MAN2A1: variants seen among roughly 807,000 people sequenced by gnomAD.
MAN2A1 encodes alpha-mannosidase 2.
A neutral mutation model predicts 142.6 loss-of-function variants in MAN2A1; 76 were observed. The observed-to-expected ratio is 0.53, with a 90% CI of 0.44 to 0.65. The LOEUF (loss-of-function observed/expected upper bound fraction) is 0.65, where lower values mean the gene tolerates loss of function less well. MAN2A1 is among the 30% of genes least tolerant of loss of function. The probability of loss-of-function intolerance (pLI) is 0.00; values close to 1 mark genes in which losing one functional copy is unlikely to be tolerated. For missense variants in MAN2A1, 1,311 were observed against 1,365.1 expected (o/e 0.96, Z 0.62); for synonymous variants, 559 against 473.2 (o/e 1.18, Z -2.35).
chr5:109,821,777 A>G lies in MAN2A1; in HGVS notation c.2451+1435A>G, dbSNP rs564697642. 8.8e-4 allele frequency among the ~76,000 whole-genome samples: 134 copies of G among 151,988 alleles called. 1 individual carries two copies. The highest frequency in any genetic ancestry group is 1.6e-3 in the Non-Finnish European group (111 of 67,938). ...TGGTGTGTCCTGATGATCTCTGAGC[A>G]CTCTATATGTGGTAAAATTAATCCT... On this transcript the variant is annotated intron_variant, in intron 15 of 21. Coordinates refer to ENST00000261483, the MANE Select transcript of MAN2A1 (RefSeq NM_002372.4).
intron 4 of MAN2A1, among the ~76,000 whole-genome samples, chr5:109,740,908 T>G (rs964123312): frequency 6.6e-6 from 1 of 152,100 alleles, no homozygotes; most frequent in Non-Finnish European, 1.5e-5. Flanking sequence ...CCCTCTCTCT[T>G]TTTTTTATTC....
chr5:109,787,989 A>T (rs1471050078), intron 10 of MAN2A1, among the ~76,000 whole-genome samples: 1 of 151,850 alleles, frequency 6.6e-6, no homozygotes, highest in Non-Finnish European at 1.5e-5. Flanking sequence ...TCTCTGAAGG[A>T]AATATTAATG....
chr5:109,770,056 T>C (rs752107271), intron 6 of MAN2A1, among the ~76,000 whole-genome samples: 11 of 152,188 alleles, frequency 7.2e-5, no homozygotes, highest in Non-Finnish European at 1.2e-4. Context: ...CAGCTGTAAC[T>C]TTTACGGCTG....
At chr5:109,753,221 A>G (rs1416943723) in intron 4 of MAN2A1, among the ~76,000 whole-genome samples, 3 of 152,342 alleles carry the variant, frequency 2.0e-5, no homozygotes, top group Middle Eastern at 3.4e-3. Flanking sequence ...TCAGGCTGCG[A>G]AGCATAACGC....
chr5:109,700,899 T>C (rs911701700), intron 1 of MAN2A1, among the ~76,000 whole-genome samples: 2 of 152,236 alleles, frequency 1.3e-5, no homozygotes. Context: ...GGTAGACATA[T>C]GTTACTTGTT....
Position 109,729,376 on chromosome 5 carries a change from C to T in MAN2A1, c.570C>T (p.Asp190=). The T allele has an allele frequency of 6.2e-7, 1 of 1,604,716 alleles. No homozygotes were observed. Among genetic ancestry groups the T allele is most frequent in the Non-Finnish European group, 8.5e-7 (1 of 1,176,424 alleles). Residue 190 remains aspartate, a synonymous_variant, in exon 4 of 22, where the codon GAC becomes GAT. Coordinates refer to ENST00000261483, the MANE Select transcript of MAN2A1 (RefSeq NM_002372.4). ...WLKTFNDYFR[D]KTQYIFNNMV... Reference sequence around the variant, plus strand: ...AGACTTTCAATGACTACTTTAGAGACAAGACTCAGTATATTTTTAATAACA... The same window carrying T: ...AGACTTTCAATGACTACTTTAGAGATAAGACTCAGTATATTTTTAATAACA...
At chr5:109,723,934 A>G (rs1409241973) in intron 3 of MAN2A1, among the ~76,000 whole-genome samples, 1 of 152,090 alleles carries the variant, frequency 6.6e-6, no homozygotes, top group African/African-American at 2.4e-5. Context: ...TTCACTGTAG[A>G]ATCTGTTTTC....
intron 20 of MAN2A1, chr5:109,862,293 C>T (rs1023952286): frequency 6.6e-6 from 1 of 152,180 alleles, no homozygotes; most frequent in African/African-American, 2.4e-5. Context: ...ATCATCTTTC[C>T]CCATACTCCA....
At chr5:109,787,375 C>A (rs563906942) in intron 10 of MAN2A1, among the ~76,000 whole-genome samples, 8 of 151,788 alleles carry the variant, frequency 5.3e-5, no homozygotes. Context: ...TGATTTTTCC[C>A]GAACCGTATT....
At chr5:109,734,658 A>G (rs897141035) in intron 4 of MAN2A1, among the ~76,000 whole-genome samples, 5 of 152,184 alleles carry the variant, frequency 3.3e-5, no homozygotes, top group African/African-American at 7.2e-5. Context: ...CAGGTTGTTC[A>G]GTTTCCATGT....
intron 4 of MAN2A1, among the ~76,000 whole-genome samples, chr5:109,739,512 G>T (rs897289826): frequency 6.6e-6 from 1 of 151,926 alleles, no homozygotes; most frequent in African/African-American, 2.4e-5. Context: ...CCACTCCCTC[G>T]GTTCAGTACT....
intron 5 of MAN2A1, among the ~76,000 whole-genome samples, chr5:109,763,510 T>A (rs539265767): frequency 5.3e-4 from 79 of 149,430 alleles, no homozygotes; most frequent in East Asian, 5.0e-3. Flanking sequence ...AAGTTTTTTT[T>A]AAAATTTATT....
chr5:109,743,409 C>G (rs13164109), intron 4 of MAN2A1, among the ~76,000 whole-genome samples: 2,122 of 152,266 alleles, frequency 0.014, 35 homozygotes, highest in East Asian at 0.093. Flanking sequence ...CTGTAGCATT[C>G]TCTTGAGTTA....
intron 1 of MAN2A1, among the ~76,000 whole-genome samples, chr5:109,693,182 T>A: frequency 7.4e-6 from 1 of 134,258 alleles, no homozygotes; most frequent in African/African-American, 2.6e-5. Flanking sequence ...GCTAGAGATT[T>A]ATACCCTTCC....
chr5:109,826,186 A>G lies in MAN2A1; in HGVS notation c.2566+2349A>G, dbSNP rs555733778. Among the ~76,000 whole-genome samples, 3 of 152,004 alleles carry G rather than the reference A, an allele frequency of 2.0e-5. No homozygotes were observed. In the South Asian group the frequency reaches 6.2e-4, roughly 32 times the overall value. On this transcript the variant is annotated intron_variant, in intron 16 of 21. Transcript: ENST00000261483. ...TTCCCAAAGTGCTGGTATTATAGGC[A>G]TGAGCCACTGCACCTGGCTTGATTT... is the stretch of plus-strand genomic sequence containing the variant.
At chr5:109,730,869 C>T (rs541318068) in intron 4 of MAN2A1, among the ~76,000 whole-genome samples, 7 of 152,268 alleles carry the variant, frequency 4.6e-5, no homozygotes, top group Admixed American at 3.9e-4. Context: ...TTGCACACTG[C>T]GCCATCCTGC....
chr5:109,708,250 A>T (rs1272373730), intron 1 of MAN2A1, among the ~76,000 whole-genome samples: 1 of 152,082 alleles, frequency 6.6e-6, no homozygotes, highest in Non-Finnish European at 1.5e-5. Flanking sequence ...GAGATGACGG[A>T]TAAGGTAAGG....
intron 5 of MAN2A1, among the ~76,000 whole-genome samples, chr5:109,761,791 A>T (rs530678436): frequency 6.6e-6 from 1 of 152,068 alleles, no homozygotes; most frequent in African/African-American, 2.4e-5. Flanking sequence ...CTTTTATTGG[A>T]GGTAGATTTT....
At chr5:109,763,410 T>C (rs1159914724) in intron 5 of MAN2A1, among the ~76,000 whole-genome samples, 1 of 152,108 alleles carries the variant, frequency 6.6e-6, no homozygotes, top group African/African-American at 2.4e-5. Flanking sequence ...AAGGAACATA[T>C]CTGAGGATAT....
Sources: allele counts gnomAD v4.1 joint callset (sites outside exome capture counted in the v4.1 genomes callset), GRCh38; gene constraint gnomAD v4.1.1; transcripts MANE v1.5; gene names NCBI Gene and HGNC (gene_info 2026-07-23, HGNC 2026-07-21).